PTK2: variants seen among roughly 807,000 people sequenced by gnomAD.
PTK2 encodes focal adhesion kinase 1.
PTK2 carries 45 observed loss-of-function variants against 150.1 expected under a neutral mutation model. That is an observed-to-expected ratio of 0.30 (90% CI 0.24 to 0.38). The LOEUF (loss-of-function observed/expected upper bound fraction) is 0.38. Ranked by LOEUF, PTK2 falls within the 10% of genes least tolerant of loss-of-function variation. The probability of loss-of-function intolerance (pLI) is 1.00; values close to 1 mark genes in which losing one functional copy is unlikely to be tolerated. For missense variants in PTK2, 919 were observed against 1,307.3 expected (o/e 0.70, Z 4.58); for synonymous variants, 432 against 449.2 (o/e 0.96, Z 0.48).
intron 4 of PTK2, among the ~76,000 whole-genome samples, chr8:140,878,683 C>T (rs1316009097): frequency 1.3e-5 from 2 of 152,046 alleles, no homozygotes; most frequent in African/African-American, 2.4e-5. Context: ...AAGTTACTGA[C>T]CCTTTGAATG....
chr8:140,759,173 A>C (rs1182700548), intron 16 of PTK2, among the ~76,000 whole-genome samples: 1 of 152,220 alleles, frequency 6.6e-6, no homozygotes, highest in East Asian at 1.9e-4. Context: ...CTATTAGTCT[A>C]AAGTGTCATT....
At chr8:140,818,611 T>C (rs1597038624) in intron 9 of PTK2, among the ~76,000 whole-genome samples, 1 of 152,224 alleles carries the variant, frequency 6.6e-6, no homozygotes, top group Non-Finnish European at 1.5e-5. Context: ...ATAGGTAAAC[T>C]AGCCCTTAGA....
chr8:140,787,463 T>C (rs1353470133), intron 14 of PTK2, among the ~76,000 whole-genome samples: 1 of 152,186 alleles, frequency 6.6e-6, no homozygotes. Context: ...TTATTCCTCT[T>C]AATGGGGTTC....
At chr8:140,879,930 T>TA (rs1352810669) in intron 3 of PTK2, among the ~76,000 whole-genome samples, 1 of 152,112 alleles carries the variant, frequency 6.6e-6, no homozygotes, top group Admixed American at 6.5e-5. Flanking sequence ...CATGTAAACT[T>TA]AAAAACACAT....
chr8:140,918,640 T>C (rs911516928), intron 2 of PTK2, among the ~76,000 whole-genome samples: 2 of 152,240 alleles, frequency 1.3e-5, no homozygotes, highest in African/African-American at 4.8e-5. Context: ...CAGAAGGCTT[T>C]AAGGGTACCT....
intron 2 of PTK2, chr8:140,921,213 G>T: frequency 1.1e-6 from 1 of 885,608 alleles, no homozygotes; most frequent in South Asian, 5.5e-5. Context: ...ATGGCTCTGT[G>T]TTCCTAGATT....
chr8:140,918,980 T>C (rs1459094173), intron 2 of PTK2, among the ~76,000 whole-genome samples: 1 of 152,170 alleles, frequency 6.6e-6, no homozygotes, highest in Non-Finnish European at 1.5e-5. Flanking sequence ...CCTGCCTCCC[T>C]GTCCTGGTAC....
chr8:140,782,243 G>A (rs1020581059), intron 14 of PTK2, among the ~76,000 whole-genome samples: 1 of 97,570 alleles, frequency 1.0e-5, no homozygotes, highest in Admixed American at 1.2e-4. Flanking sequence ...AAATTTGGTT[G>A]TTTTTTTTTT....
At position 140,658,864 on chromosome 8, in the gene PTK2, A is replaced by G. The variant is rs41272407; in HGVS notation, c.*602T>C. On this transcript the variant is annotated 3_prime_UTR_variant, in exon 32 of 32. Transcript: ENST00000522684. ...ACCCAATGCTTCACATATCCACACG[A>G]AAGTAAAAGGCAGGTAAGACAAAAA... 490 of 226,678 alleles carry G rather than the reference A, an allele frequency of 2.2e-3. 2 individuals carry two copies. The highest frequency in any genetic ancestry group is 3.8e-3 in the Non-Finnish European group (435 of 113,604). The allele number at this position is 226,678 out of a possible 1,614,324, so 14.0% of individuals were successfully genotyped here.
chr8:140,837,263 C>T (rs568035875), intron 7 of PTK2, among the ~76,000 whole-genome samples: 1 of 152,198 alleles, frequency 6.6e-6, no homozygotes, highest in South Asian at 2.1e-4. Context: ...TATACTTTTC[C>T]TTTGCCTACA....
At chr8:140,734,551 G>A in intron 22 of PTK2, 2 of 349,072 alleles carry the variant, frequency 5.7e-6, no homozygotes, top group Non-Finnish European at 1.1e-5. Context: ...ACAGGGTAGA[G>A]TATGCACATG....
chr8:140,995,764 C>T (rs553992709), intron 1 of PTK2, among the ~76,000 whole-genome samples: 3 of 151,870 alleles, frequency 2.0e-5, no homozygotes, highest in East Asian at 1.9e-4. Flanking sequence ...GGGCACAAAG[C>T]GAGACTCTGT....
chr8:140,977,193 C>A (rs2100189572), intron 1 of PTK2, among the ~76,000 whole-genome samples: 1 of 151,914 alleles, frequency 6.6e-6, no homozygotes, highest in Admixed American at 6.6e-5. Context: ...AGCTAGAGAC[C>A]AAGTTTGGCA....
At chr8:140,788,823 T>C (rs1021536478) in intron 14 of PTK2, among the ~76,000 whole-genome samples, 2 of 152,220 alleles carry the variant, frequency 1.3e-5, no homozygotes. Context: ...GTGTATATGG[T>C]TACGTATGTA....
chr8:140,933,337 A>C (rs879520278), intron 1 of PTK2, among the ~76,000 whole-genome samples: 29 of 152,228 alleles, frequency 1.9e-4, no homozygotes, highest in Admixed American at 2.0e-4. Context: ...GGAGGGGCTA[A>C]AAAACTTCAA....
chr8:140,937,316 G>A (rs1227603205), intron 1 of PTK2, among the ~76,000 whole-genome samples: 1 of 152,002 alleles, frequency 6.6e-6, no homozygotes, highest in Non-Finnish European at 1.5e-5. Flanking sequence ...ATTTACTTCA[G>A]CTGTGGTTTT....
chr8:140,881,597 T>C (rs145271588), intron 3 of PTK2, among the ~76,000 whole-genome samples: 105 of 152,350 alleles, frequency 6.9e-4, no homozygotes, highest in South Asian at 1.7e-3. Flanking sequence ...TCTCTAGCCA[T>C]CTGCCTCAGG....
intron 27 of PTK2, among the ~76,000 whole-genome samples, chr8:140,677,414 C>T (rs75628664): frequency 0.019 from 2,936 of 152,298 alleles, 117 homozygotes; most frequent in African/African-American, 0.063. Flanking sequence ...CACTTAACAC[C>T]AGTTCTCCTT....
At chr8:140,998,216 T>C (rs946689907) in intron 1 of PTK2, among the ~76,000 whole-genome samples, 1 of 152,218 alleles carries the variant, frequency 6.6e-6, no homozygotes, top group Non-Finnish European at 1.5e-5. Context: ...TAAATCTACA[T>C]CAGTTTAGAA....
Sources: gnomAD v4.1 joint callset for allele counts (sites outside exome capture counted in the v4.1 genomes callset) on GRCh38, gnomAD v4.1.1 for gene constraint, MANE v1.5 for transcripts, NCBI Gene and HGNC (gene_info 2026-07-23, HGNC 2026-07-21) for gene names.